Variants in MAP6 observed in about 807,000 individuals in gnomAD.
The protein encoded by MAP6 is microtubule associated protein 6.
Under a neutral mutation model 42.4 loss-of-function variants are expected in MAP6, and 26 were observed. That is an observed-to-expected ratio of 0.61 (90% CI 0.45 to 0.85). The LOEUF (loss-of-function observed/expected upper bound fraction) is 0.85, where lower values mean the gene tolerates loss of function less well. MAP6 is among the 40% of genes least tolerant of loss of function. The probability of loss-of-function intolerance (pLI) is 0.00; values close to 1 mark genes in which losing one functional copy is unlikely to be tolerated. For missense variants in MAP6, 966 were observed against 1,099.0 expected (o/e 0.88, Z 1.71); for synonymous variants, 418 against 443.8 (o/e 0.94, Z 0.73).
intron 1 of MAP6, among the ~76,000 whole-genome samples, chr11:75,623,412 G>GTA (rs1943144196): frequency 6.6e-6 from 1 of 152,178 alleles, no homozygotes; most frequent in African/African-American, 2.4e-5. Flanking sequence ...CTTAAAAGGG[G>GTA]TGCATTTTAT....
At position 75,630,901 on chromosome 11, in the gene MAP6, C is replaced by T. The variant is rs11236473; in HGVS notation, c.906-22579G>A. The stretch of plus-strand genomic sequence containing the variant: ...GAATTTGTTAATAATGAAAATTCCA[C>T]TGTTCTTACCCTTGTGGTGAAGCCC... On this transcript the variant is annotated intron_variant, in intron 1 of 3. Transcript: ENST00000304771. Among the ~76,000 whole-genome samples, 226 of 152,350 alleles carry T rather than the reference C, an allele frequency of 1.5e-3. 1 individual carries two copies. In the East Asian group the frequency reaches 0.029, roughly 20 times the overall value.
rs552798927 is a variant in MAP6 at position 75,603,028 on chromosome 11, T to C, written c.1316+2780A>G. On this transcript the variant is annotated intron_variant, in intron 3 of 3. Transcript: ENST00000304771. ...AGCACCAAGAGAGGTGTGCGCTACA[T>C]GTTACATAGACAATCTGTGGTATGC... 47 of 985,788 alleles carry C rather than the reference T, an allele frequency of 4.8e-5. 1 individual carries two copies. The African/African-American group carries it at 7.7e-4, about 16-fold the overall frequency. 61.1% of individuals were successfully genotyped at this position (985,788 alleles called of 1,614,324 possible). A position where few individuals can be genotyped will look rare whatever the true frequency, so the allele number is the denominator to read the frequency against.
intron 1 of MAP6, among the ~76,000 whole-genome samples, chr11:75,627,876 G>A (rs1304300877): frequency 6.6e-6 from 1 of 152,176 alleles, no homozygotes; most frequent in African/African-American, 2.4e-5. Flanking sequence ...GAGGCACTGA[G>A]ACAATACCAA....
intron 1 of MAP6, among the ~76,000 whole-genome samples, chr11:75,623,748 C>T (rs1200603261): frequency 1.3e-5 from 2 of 152,192 alleles, no homozygotes; most frequent in Non-Finnish European, 1.5e-5. Flanking sequence ...CTCGCTCTGT[C>T]GCCCAGGCTG....
At chr11:75,604,662 C>T in intron 3 of MAP6, 1 of 985,352 alleles carries the variant, frequency 1.0e-6, no homozygotes, top group Non-Finnish European at 1.2e-6. Flanking sequence ...GCGAAGGTGG[C>T]ACTTGCCACC....
chr11:75,625,541 G>A (rs1943180426), intron 1 of MAP6, among the ~76,000 whole-genome samples: 1 of 152,102 alleles, frequency 6.6e-6, no homozygotes, highest in Non-Finnish European at 1.5e-5. Flanking sequence ...TCATTCTAAT[G>A]AGAAAACCAA....
rs183944306 is a variant in MAP6, at chr11:75,623,802, C to T, written c.906-15480G>A. Among the ~76,000 whole-genome samples the T allele has an allele frequency of 4.6e-3, 704 of 152,306 alleles. 6 individuals carry two copies. Among genetic ancestry groups the T allele is most frequent in the African/African-American group, 0.016 (675 of 41,570 alleles). ...TCGGCTCACTGCAACTTCTGCCTCCCGGGTTCAAGCAATTCATCCATGATG... is the reference window on the plus strand; with the variant it reads ...TCGGCTCACTGCAACTTCTGCCTCCTGGGTTCAAGCAATTCATCCATGATG... On this transcript the variant is annotated intron_variant, in intron 1 of 3. Coordinates refer to ENST00000304771, the MANE Select transcript of MAP6 (RefSeq NM_033063.2).
At chr11:75,590,737 C>T (rs922305511) in intron 3 of MAP6, among the ~76,000 whole-genome samples, 1 of 152,072 alleles carries the variant, frequency 6.6e-6, no homozygotes, top group Admixed American at 6.6e-5. Flanking sequence ...GAGGCCGAGG[C>T]GGGCAGATCA....
chr11:75,655,583 C>A (rs1414067210), intron 1 of MAP6, among the ~76,000 whole-genome samples: 1 of 152,172 alleles, frequency 6.6e-6, no homozygotes, highest in African/African-American at 2.4e-5. Context: ...TGGGCCTTGC[C>A]CTGGAGGAGA....
intron 3 of MAP6, among the ~76,000 whole-genome samples, chr11:75,601,795 C>G (rs767484180): frequency 1.3e-5 from 2 of 151,392 alleles, no homozygotes; most frequent in Non-Finnish European, 2.9e-5. Context: ...GCTACCCCCC[C>G]AGAACTGAAG....
rs2135571114 is a variant in MAP6 at position 75,591,237 on chromosome 11, ATAATT to A, written c.1317-3058_1317-3054del. ...AATCTTAATTTATTTAAAATTATTC[ATAATT>A]TAATTTATATTTAGGGTAATTGAAT... On this transcript the variant is annotated intron_variant, in intron 3 of 3. Transcript: ENST00000304771. 5.9e-5 allele frequency among the ~76,000 whole-genome samples: 9 copies of A among 152,324 alleles called. 2 individuals are homozygous for A. The highest frequency in any genetic ancestry group is 1.9e-4 in the East Asian group (1 of 5,194).
intron 3 of MAP6, chr11:75,603,495 T>C (rs1942702344): frequency 2.3e-5 from 23 of 983,446 alleles, no homozygotes; most frequent in Non-Finnish European, 2.7e-5. Context: ...TCTCAGTGGG[T>C]GTGTTAAGCA....
chr11:75,628,435 C>T (rs991066879), intron 1 of MAP6, among the ~76,000 whole-genome samples: 6 of 152,166 alleles, frequency 3.9e-5, no homozygotes, highest in Non-Finnish European at 5.9e-5. Flanking sequence ...CATCAGTCAC[C>T]ATGGCCACAC....
rs1318015018 is a variant in MAP6, at chr11:75,588,014, A to G, written c.1487T>C (p.Leu496Pro). ...GACTGGTAATGGGATCATGGGACCT[A>G]GATCCTTTGGAGGCCCTGGGACCAC... ...GSVVPGPPKD[L>P]GPMIPLPVKD... Residue 496 changes from leucine to proline, a missense_variant, in exon 4 of 4, where the codon CTA becomes CCA. Physicochemically the swap from Leu to Pro is moderately conservative, Grantham distance 98. Coordinates refer to ENST00000304771, the MANE Select transcript of MAP6 (RefSeq NM_033063.2). 6.2e-7 allele frequency: 1 copy of G among 1,613,942 alleles called. No individual in the cohort carries two copies. The highest frequency in any genetic ancestry group is 1.3e-5 in the African/African-American group (1 of 74,894).
intron 1 of MAP6, among the ~76,000 whole-genome samples, chr11:75,654,435 G>A (rs1483032497): frequency 2.0e-5 from 3 of 152,100 alleles, no homozygotes; most frequent in Non-Finnish European, 4.4e-5. Flanking sequence ...TCATGACTCA[G>A]GCCAGAAACC....
At chr11:75,648,144 C>T (rs148296893) in intron 1 of MAP6, among the ~76,000 whole-genome samples, 3 of 152,284 alleles carry the variant, frequency 2.0e-5, no homozygotes, top group African/African-American at 7.2e-5. Flanking sequence ...TCACACTATA[C>T]ACAAAATTGA....
At chr11:75,651,754 C>T (rs558736194) in intron 1 of MAP6, among the ~76,000 whole-genome samples, 4 of 152,208 alleles carry the variant, frequency 2.6e-5, no homozygotes, top group Non-Finnish European at 5.9e-5. Flanking sequence ...GACTATGTCA[C>T]TTTCGAAGAA....
chr11:75,647,655 T>C (rs970742249), intron 1 of MAP6, among the ~76,000 whole-genome samples: 1 of 152,102 alleles, frequency 6.6e-6, no homozygotes, highest in Non-Finnish European at 1.5e-5. Context: ...TTGAAGAATA[T>C]AAAAGAAGAC....
intron 1 of MAP6, among the ~76,000 whole-genome samples, chr11:75,611,181 G>A (rs1468101677): frequency 6.6e-6 from 1 of 152,210 alleles, no homozygotes; most frequent in African/African-American, 2.4e-5. Flanking sequence ...CCTGTTAGAT[G>A]GGCTCCTGGT....
Sources: gnomAD v4.1 joint callset for allele counts (sites outside exome capture counted in the v4.1 genomes callset) on GRCh38, gnomAD v4.1.1 for gene constraint, MANE v1.5 for transcripts, NCBI Gene and HGNC (gene_info 2026-07-23, HGNC 2026-07-21) for gene names.